Variants in VPS53 observed in about 807,000 individuals in gnomAD.
VPS53 encodes vacuolar protein sorting-associated protein 53 homolog.
Under a neutral mutation model 107.0 loss-of-function variants are expected in VPS53, and 70 were observed. The observed-to-expected ratio is 0.65, with a 90% CI of 0.54 to 0.80. The LOEUF (loss-of-function observed/expected upper bound fraction) is 0.80, where lower values mean the gene tolerates loss of function less well. VPS53 is among the 30% of genes least tolerant of loss of function. VPS53 has a pLI of 0.00. For synonymous variants in VPS53, 409 were observed against 393.3 expected (o/e 1.04, Z -0.47); for missense variants, 917 against 1,049.4 (o/e 0.87, Z 1.74).
At chr17:672,981 G>A (rs974935023) in intron 4 of VPS53, among the ~76,000 whole-genome samples, 5 of 151,884 alleles carry the variant, frequency 3.3e-5, no homozygotes, top group Admixed American at 6.6e-5. Context: ...GCGTGGTGGC[G>A]GGCGCCTGTA....
chr17:558,528 C>T (rs1010362136), intron 15 of VPS53, among the ~76,000 whole-genome samples: 4 of 151,976 alleles, frequency 2.6e-5, no homozygotes, highest in African/African-American at 4.8e-5. Flanking sequence ...CAGCTACTCG[C>T]GAGGCTGAGG....
At chr17:612,917 C>A (rs1343901655) in intron 11 of VPS53, among the ~76,000 whole-genome samples, 1 of 147,448 alleles carries the variant, frequency 6.8e-6, no homozygotes, top group African/African-American at 2.5e-5. Context: ...ACAGTGAAAA[C>A]CTGCACAGAT....
intron 2 of VPS53, among the ~76,000 whole-genome samples, chr17:701,665 C>T (rs571197678): frequency 1.1e-4 from 17 of 151,852 alleles, no homozygotes; most frequent in African/African-American, 2.9e-4. Context: ...TATGAGCCAC[C>T]GCGCCTGGCC....
intron 4 of VPS53, among the ~76,000 whole-genome samples, chr17:672,071 G>C (rs1263640361): frequency 1.3e-5 from 2 of 150,234 alleles, no homozygotes; most frequent in African/African-American, 4.9e-5. Flanking sequence ...TCCCCAGGAA[G>C]GGCAGGAGGC....
At chr17:610,587 C>T (rs1968815356) in intron 11 of VPS53, among the ~76,000 whole-genome samples, 2 of 151,926 alleles carry the variant, frequency 1.3e-5, no homozygotes, top group South Asian at 4.2e-4. Flanking sequence ...AAAACATTGG[C>T]AAATCATATG....
At chr17:691,428 T>C (rs577776752) in intron 4 of VPS53, among the ~76,000 whole-genome samples, 1 of 152,328 alleles carries the variant, frequency 6.6e-6, no homozygotes, top group African/African-American at 2.4e-5. Flanking sequence ...ACGTCAGAGA[T>C]GTAATACAAA....
At chr17:680,488 A>C (rs1395243210) in intron 4 of VPS53, among the ~76,000 whole-genome samples, 1 of 152,180 alleles carries the variant, frequency 6.6e-6, no homozygotes, top group Non-Finnish European at 1.5e-5. Flanking sequence ...TAAATATTTT[A>C]AAAAGAAGGA....
chr17:651,465 CT>C (rs1201710888), intron 7 of VPS53, among the ~76,000 whole-genome samples: 2 of 152,066 alleles, frequency 1.3e-5, no homozygotes, highest in African/African-American at 4.8e-5. Context: ...GTGCTGCGTG[CT>C]TGTAGTCCCA....
intron 17 of VPS53, chr17:537,405 T>C (rs1910177483): frequency 2.1e-6 from 1 of 482,622 alleles, no homozygotes; most frequent in Non-Finnish European, 3.7e-6. Context: ...GACCCTTTCC[T>C]TTTCCTGCCT....
chr17:594,421 G>T (rs9914069), intron 12 of VPS53, among the ~76,000 whole-genome samples: 8,053 of 152,158 alleles, frequency 0.053, 672 homozygotes, highest in African/African-American at 0.18. Context: ...AAATAGGGGT[G>T]TGGATCAATT....
chr17:525,710 A>G (rs1185811908), intron 19 of VPS53, among the ~76,000 whole-genome samples: 1 of 151,848 alleles, frequency 6.6e-6, no homozygotes, highest in Non-Finnish European at 1.5e-5. Flanking sequence ...AAAGAAAAAA[A>G]AAATGGGCCA....
intron 7 of VPS53, among the ~76,000 whole-genome samples, chr17:646,446 G>A (rs1164384876): frequency 7.2e-6 from 1 of 138,266 alleles, no homozygotes; most frequent in Non-Finnish European, 1.6e-5. Context: ...ACTGGAGATT[G>A]GCTCCCACAC....
chr17:589,484 T>C lies in VPS53; in HGVS notation c.1219-3120A>G, dbSNP rs151007047. 3.5e-3 allele frequency among the ~76,000 whole-genome samples: 530 copies of C among 152,268 alleles called. 4 individuals carry two copies. The highest frequency in any genetic ancestry group is 0.017 in the South Asian group (83 of 4,820). On this transcript the variant is annotated intron_variant, in intron 12 of 21. Transcript: ENST00000437048. ...CATTATGTCTACAACTTACAAATTG[T>C]TCTAAAGGTCGGGGGGGAGTGGGGA... is the stretch of plus-strand genomic sequence containing the variant.
intron 2 of VPS53, among the ~76,000 whole-genome samples, chr17:706,789 G>A (rs915229457): frequency 6.6e-6 from 1 of 151,998 alleles, no homozygotes; most frequent in African/African-American, 2.4e-5. Context: ...GTACCAAACT[G>A]CATGACTTTG....
intron 11 of VPS53, among the ~76,000 whole-genome samples, chr17:614,028 C>G (rs1055730656): frequency 2.0e-5 from 3 of 152,210 alleles, no homozygotes; most frequent in Non-Finnish European, 4.4e-5. Context: ...ACAAAAACCA[C>G]ACATCGTAGC....
In VPS53 at chr17:514,896, T is replaced by G. The variant is rs1308119650; in HGVS notation, c.*4232A>C. The G allele has an allele frequency of 6.6e-6, 1 of 151,810 alleles. No individual in the cohort carries two copies. Among genetic ancestry groups the G allele is most frequent in the East Asian group, 1.9e-4 (1 of 5,168 alleles). The allele number at this position is 151,810 out of a possible 1,614,324, so 9.4% of individuals were successfully genotyped here. On this transcript the variant is annotated 3_prime_UTR_variant, in exon 22 of 22. Coordinates refer to ENST00000437048, the MANE Select transcript of VPS53 (RefSeq NM_001128159.3). Reference sequence around the variant, plus strand: ...CTTTGTTCTTCGAGAGAGGAAGGAGTGGCGGTAGTTAGCTTCAATCCCTGA... The same window carrying G: ...CTTTGTTCTTCGAGAGAGGAAGGAGGGGCGGTAGTTAGCTTCAATCCCTGA...
chr17:559,421 C>G (rs532387869), intron 15 of VPS53, among the ~76,000 whole-genome samples: 9 of 152,346 alleles, frequency 5.9e-5, no homozygotes, highest in African/African-American at 2.2e-4. Context: ...GAGGTCCTTA[C>G]AGATAGTGCC....
intron 7 of VPS53, among the ~76,000 whole-genome samples, chr17:651,758 A>AT (rs1223031327): frequency 1.3e-5 from 2 of 152,158 alleles, no homozygotes; most frequent in African/African-American, 4.8e-5. Context: ...GAAGGTTAGA[A>AT]TTTGTCAATT....
chr17:657,445 G>T (rs889645340), intron 5 of VPS53: 4 of 991,050 alleles, frequency 4.0e-6, no homozygotes, highest in Non-Finnish European at 4.9e-6. Flanking sequence ...AACTTGTGGG[G>T]ACTGGTGGAC....
Sources: gnomAD v4.1 joint callset for allele counts (sites outside exome capture counted in the v4.1 genomes callset) on GRCh38, gnomAD v4.1.1 for gene constraint, MANE v1.5 for transcripts, NCBI Gene and HGNC (gene_info 2026-07-23, HGNC 2026-07-21) for gene names.